The following SOX5 variants were observed in gnomAD, a reference collection of about 807,000 sequenced individuals.
The protein encoded by SOX5 is SRY-box transcription factor 5.
In SOX5, 9 loss-of-function variants were observed where a neutral mutation model predicts 92.0. That is an observed-to-expected ratio of 0.10 (90% CI 0.06 to 0.17). The LOEUF (loss-of-function observed/expected upper bound fraction) is 0.17, where lower values mean the gene tolerates loss of function less well. Ranked by LOEUF, SOX5 falls within the 10% of genes least tolerant of loss-of-function variation. The pLI, the probability that SOX5 is intolerant of heterozygous loss-of-function variation, is 1.00. For synonymous variants in SOX5, 344 were observed against 336.3 expected (o/e 1.02, Z -0.25); for missense variants, 642 against 944.5 (o/e 0.68, Z 4.20).
chr12:23,570,922 AAAAAAAAAATATATATATATATAT>A (rs1408348587), intron 10 of SOX5, among the ~76,000 whole-genome samples: 19 of 43,150 alleles, frequency 4.4e-4, no homozygotes, highest in African/African-American at 1.5e-3. Context: ...AAAAAAAAAA[AAAAAAAAAATATATATATATATAT>A]ATATATATAT....
intron 3 of SOX5, among the ~76,000 whole-genome samples, chr12:24,267,384 C>G (rs960015852): frequency 6.6e-6 from 1 of 152,080 alleles, no homozygotes; most frequent in Admixed American, 6.6e-5. Flanking sequence ...CACAAATTAT[C>G]TAAAAGATGC....
intron 2 of SOX5, among the ~76,000 whole-genome samples, chr12:24,328,488 C>G (rs1313612695): frequency 3.9e-5 from 6 of 152,154 alleles, no homozygotes; most frequent in Non-Finnish European, 7.3e-5. Context: ...CTATGGAAAT[C>G]TGCCAGATTT....
intron 4 of SOX5, among the ~76,000 whole-genome samples, chr12:24,186,020 C>A (rs894578643): frequency 6.6e-6 from 1 of 152,050 alleles, no homozygotes; most frequent in Non-Finnish European, 1.5e-5. Flanking sequence ...AGAAAGACAA[C>A]AACCACAGGT....
At chr12:24,400,370 G>A (rs1961225559) in intron 1 of SOX5, among the ~76,000 whole-genome samples, 1 of 120,830 alleles carries the variant, frequency 8.3e-6, no homozygotes, top group African/African-American at 3.3e-5. Flanking sequence ...ATTAGCAAAT[G>A]AAATGATTTA....
intron 4 of SOX5, among the ~76,000 whole-genome samples, chr12:24,170,232 C>CAGA: frequency 6.6e-6 from 1 of 152,170 alleles, no homozygotes; most frequent in Non-Finnish European, 1.5e-5. Context: ...CGCAAAATAG[C>CAGA]AGGCAGCGCT....
intron 1 of SOX5, among the ~76,000 whole-genome samples, chr12:23,913,352 T>C (rs927932054): frequency 1.3e-5 from 2 of 152,114 alleles, no homozygotes; most frequent in Non-Finnish European, 2.9e-5. Context: ...CTTTTCTTTT[T>C]TTAAGTTCTT....
chr12:24,049,638 GTTTTT>G (rs527647441), intron 4 of SOX5, among the ~76,000 whole-genome samples: 8 of 73,772 alleles, frequency 1.1e-4, no homozygotes, highest in African/African-American at 3.6e-4. Flanking sequence ...ATCCTTCATA[GTTTTT>G]TTTTTTTTTT....
chr12:24,295,485 A>G (rs945638470), intron 2 of SOX5, among the ~76,000 whole-genome samples: 1 of 152,138 alleles, frequency 6.6e-6, no homozygotes, highest in East Asian at 1.9e-4. Flanking sequence ...AGACTAATAA[A>G]CTTCTTGCTC....
At chr12:23,675,670 C>A (rs933590380) in intron 6 of SOX5, among the ~76,000 whole-genome samples, 1 of 152,026 alleles carries the variant, frequency 6.6e-6, no homozygotes, top group Non-Finnish European at 1.5e-5. Flanking sequence ...AAAGCTCAGG[C>A]AGCAAAAGCA....
chr12:24,486,701 T>C (rs544929395), intron 1 of SOX5, among the ~76,000 whole-genome samples: 1 of 152,302 alleles, frequency 6.6e-6, no homozygotes, highest in East Asian at 1.9e-4. Flanking sequence ...ATCAGCAATA[T>C]AGCTCTTTTT....
intron 4 of SOX5, among the ~76,000 whole-genome samples, chr12:24,027,667 C>A (rs1224680634): frequency 1.3e-5 from 2 of 151,854 alleles, no homozygotes; most frequent in African/African-American, 4.8e-5. Flanking sequence ...AATAACCTTT[C>A]AACTTACCAT....
intron 4 of SOX5, among the ~76,000 whole-genome samples, chr12:24,154,248 T>C (rs1028369052): frequency 9.9e-5 from 15 of 152,160 alleles, no homozygotes; most frequent in African/African-American, 3.6e-4. Flanking sequence ...ACATCTGTTA[T>C]TGAGTGCTAT....
chr12:23,796,791 T>C (rs546513822), intron 3 of SOX5, among the ~76,000 whole-genome samples: 17 of 150,994 alleles, frequency 1.1e-4, no homozygotes, highest in African/African-American at 4.1e-4. Context: ...CTCATTCTTA[T>C]ATAGTGGTGC....
intron 6 of SOX5, among the ~76,000 whole-genome samples, chr12:23,695,383 A>G (rs2089631124): frequency 6.6e-6 from 1 of 152,090 alleles, no homozygotes; most frequent in Non-Finnish European, 1.5e-5. Context: ...AGTATGAGCA[A>G]CCTTATGAGG....
chr12:24,249,816 A>G (rs953993), intron 3 of SOX5, among the ~76,000 whole-genome samples: 5,199 of 152,250 alleles, frequency 0.034, 205 homozygotes, highest in African/African-American at 0.092. Flanking sequence ...TTCAAATTAA[A>G]TGGTCTTTTA....
intron 1 of SOX5, among the ~76,000 whole-genome samples, chr12:23,946,938 T>C (rs147741347): frequency 1.3e-5 from 2 of 152,060 alleles, no homozygotes; most frequent in East Asian, 3.9e-4. Flanking sequence ...TACTACTTCT[T>C]AACTATTTAA....
chr12:23,551,784 A>AT (rs202060453), intron 11 of SOX5, among the ~76,000 whole-genome samples: 22,662 of 147,956 alleles, frequency 0.15, 2,111 homozygotes, highest in Non-Finnish European at 0.21. Context: ...TCTAATACTG[A>AT]TTTTTTTTTT....
rs142358134 is a variant in SOX5 at position 24,006,208 on chromosome 12, G to A, written c.-1-110184C>T. Reference sequence around the variant, plus strand: ...AGGTCCTCATCTTTTCATCAGGATAGTAGAACAGAAAGAATATTAAAATAC... The same window carrying A: ...AGGTCCTCATCTTTTCATCAGGATAATAGAACAGAAAGAATATTAAAATAC... On this transcript the variant is annotated intron_variant, in intron 4 of 4. Coordinates refer to the SOX5 transcript ENST00000446891. Among the ~76,000 whole-genome samples, 124 of 152,270 alleles carry A rather than the reference G, an allele frequency of 8.1e-4. 1 individual carries two copies. The East Asian group carries it at 0.016, about 19-fold the overall frequency.
At chr12:23,667,881 C>T (rs11047036) in intron 6 of SOX5, among the ~76,000 whole-genome samples, 4,406 of 152,146 alleles carry the variant, frequency 0.029, 217 homozygotes, top group African/African-American at 0.1. Context: ...TCTATGTGAG[C>T]GACTAAAAAC....
Sources: allele counts gnomAD v4.1 joint callset (sites outside exome capture counted in the v4.1 genomes callset), GRCh38; gene constraint gnomAD v4.1.1; transcripts MANE v1.5; gene names NCBI Gene and HGNC (gene_info 2026-07-23, HGNC 2026-07-21).